Variants in ACVR1 observed in about 807,000 individuals in gnomAD.
ACVR1 encodes the protein activin A receptor type 1.
A neutral mutation model predicts 57.1 loss-of-function variants in ACVR1; 38 were observed. That is an observed-to-expected ratio of 0.67 (90% CI 0.51 to 0.87). The LOEUF (loss-of-function observed/expected upper bound fraction) is 0.87, where lower values mean the gene tolerates loss of function less well. Ranked by LOEUF, ACVR1 falls within the 40% of genes least tolerant of loss-of-function variation. ACVR1 has a pLI of 0.00. For missense variants in ACVR1, 463 were observed against 638.2 expected, an observed-to-expected ratio of 0.73 and a Z score of 2.96; for synonymous variants, 212 against 228.1, an observed-to-expected ratio of 0.93 and a Z score of 0.63.
Position 157,766,190 on chromosome 2 carries a change from A to T in ACVR1, c.797T>A (p.Ile266Asn). ...GTGTCTTGATGTCATGTCTGAAGCA[A>T]TGAAACCTGGAGAGAGCAAGAAAAA... ...MLRHENILGF[I>N]ASDMTSRHSS... The change falls in exon 8 of 11, where the codon ATT (isoleucine) becomes AAT (asparagine). Residue 266 changes from isoleucine (I) to asparagine (N), a missense_variant. Physicochemically the swap from Ile to Asn is moderately radical, Grantham distance 149. Transcript: ENST00000434821. 6.2e-7 allele frequency: 1 copy of T among 1,614,138 alleles called. No homozygotes were observed. Among genetic ancestry groups the T allele is most frequent in the Non-Finnish European group, 8.5e-7 (1 of 1,179,990 alleles).
At chr2:157,741,526 G>C (rs1297700844) in intron 9 of ACVR1, among the ~76,000 whole-genome samples, 1 of 151,852 alleles carries the variant, frequency 6.6e-6, no homozygotes, top group Non-Finnish European at 1.5e-5. Flanking sequence ...TAGGGAGGCT[G>C]AGGCAGGAGA....
At chr2:157,781,760 T>TC (rs1359279390) in intron 3 of ACVR1, among the ~76,000 whole-genome samples, 1 of 152,242 alleles carries the variant, frequency 6.6e-6, no homozygotes, top group African/African-American at 2.4e-5. Flanking sequence ...ATTACTCTTT[T>TC]CTCTTCCCTT....
intron 9 of ACVR1, among the ~76,000 whole-genome samples, chr2:157,759,852 T>C (rs1453634377): frequency 1.3e-5 from 2 of 152,262 alleles, no homozygotes; most frequent in East Asian, 3.9e-4. Flanking sequence ...CTCATGATCA[T>C]CTCAATATAT....
intron 9 of ACVR1, among the ~76,000 whole-genome samples, chr2:157,754,992 G>T (rs1418481156): frequency 6.6e-6 from 1 of 152,024 alleles, no homozygotes; most frequent in Admixed American, 6.6e-5. Flanking sequence ...CACATAAACA[G>T]AAATAAAAAC....
rs779417826 is a variant in ACVR1 at position 157,766,229 on chromosome 2, G to A, written c.791-33C>T. 1.7e-5 allele frequency: 27 copies of A among 1,607,174 alleles called. No individual in the cohort carries two copies. In the South Asian group the frequency reaches 2.9e-4, roughly 17 times the overall value. ...GAGCAAGAAAAAAATTAATATACAT[G>A]AGGATTCCACATTATAACTTAAAGT... On this transcript the variant is annotated intron_variant, in intron 7 of 10. Transcript: ENST00000434821.
At chr2:157,792,307 C>T (rs1187944121) in intron 3 of ACVR1, among the ~76,000 whole-genome samples, 1 of 152,166 alleles carries the variant, frequency 6.6e-6, no homozygotes, top group East Asian at 1.9e-4. Flanking sequence ...GTAGCATTAA[C>T]CATGGCTCTA....
chr2:157,862,053 A>G (rs928268095), intron 1 of ACVR1, among the ~76,000 whole-genome samples: 1 of 152,240 alleles, frequency 6.6e-6, no homozygotes, highest in Non-Finnish European at 1.5e-5. Context: ...TCTAGCTGAC[A>G]TAATTTTGAA....
rs537888980 is a variant in ACVR1, at chr2:157,772,236, C to T, written c.644-1722G>A. Among the ~76,000 whole-genome samples, 6 of 152,230 alleles carry T rather than the reference C, an allele frequency of 3.9e-5. No individual in the cohort carries two copies. In the East Asian group the frequency reaches 5.8e-4, roughly 15 times the overall value. ...CCCCTAAAACAAAAGCAGAGCTGCC[C>T]AAAAGCCCTGGCCATGGAGCCCCAC... On this transcript the variant is annotated intron_variant, in intron 6 of 10. Transcript: ENST00000434821.
At chr2:157,813,104 T>C (rs1687807609) in intron 2 of ACVR1, among the ~76,000 whole-genome samples, 1 of 151,860 alleles carries the variant, frequency 6.6e-6, no homozygotes, top group Admixed American at 6.6e-5. Context: ...CTTTTAAAGT[T>C]CCTATTTTTA....
At chr2:157,843,214 T>C (rs1248233772) in intron 1 of ACVR1, among the ~76,000 whole-genome samples, 1 of 152,206 alleles carries the variant, frequency 6.6e-6, no homozygotes, top group African/African-American at 2.4e-5. Flanking sequence ...ATAAATACCA[T>C]AGAGCCAGAC....
intron 1 of ACVR1, among the ~76,000 whole-genome samples, chr2:157,862,209 T>A (rs1028205861): frequency 6.6e-6 from 1 of 152,146 alleles, no homozygotes; most frequent in African/African-American, 2.4e-5. Flanking sequence ...ACTACAAATA[T>A]GAAAGTGTAC....
intron 1 of ACVR1, among the ~76,000 whole-genome samples, chr2:157,860,950 C>A (rs1689696798): frequency 6.6e-6 from 1 of 152,132 alleles, no homozygotes; most frequent in Non-Finnish European, 1.5e-5. Flanking sequence ...TCTATTGATG[C>A]CATCACTGCT....
chr2:157,862,210 G>A (rs1052329461), intron 1 of ACVR1, among the ~76,000 whole-genome samples: 1 of 151,786 alleles, frequency 6.6e-6, no homozygotes, highest in Admixed American at 6.6e-5. Flanking sequence ...CTACAAATAT[G>A]AAAGTGTACT....
intron 1 of ACVR1, among the ~76,000 whole-genome samples, chr2:157,848,237 A>T (rs1468224338): frequency 6.6e-6 from 1 of 152,190 alleles, no homozygotes; most frequent in Non-Finnish European, 1.5e-5. Flanking sequence ...GACCAACAGA[A>T]TATGGTGGAA....
chr2:157,759,551 C>T (rs371016786), intron 9 of ACVR1, among the ~76,000 whole-genome samples: 10 of 151,894 alleles, frequency 6.6e-5, no homozygotes, highest in African/African-American at 1.9e-4. Flanking sequence ...TGAACTATTC[C>T]AAAAAATTGA....
chr2:157,809,894 G>T (rs1353985019), intron 2 of ACVR1, among the ~76,000 whole-genome samples: 1 of 152,092 alleles, frequency 6.6e-6, no homozygotes, highest in African/African-American at 2.4e-5. Flanking sequence ...GGGCAACACA[G>T]TGAGACCCCA....
chr2:157,779,392 A>C (rs1285552708), intron 4 of ACVR1, among the ~76,000 whole-genome samples: 2 of 152,228 alleles, frequency 1.3e-5, no homozygotes, highest in Non-Finnish European at 2.9e-5. Context: ...CTCTTTGATT[A>C]TTCAATCCTA....
At chr2:157,834,965 C>A (rs529376620) in intron 1 of ACVR1, among the ~76,000 whole-genome samples, 1 of 152,142 alleles carries the variant, frequency 6.6e-6, no homozygotes, top group Non-Finnish European at 1.5e-5. Context: ...ACTGAATCTG[C>A]CAGTGCTTTG....
chr2:157,799,570 C>A (rs1355387122), intron 2 of ACVR1, 70 bp from the exon 3 acceptor site: 6 of 1,233,782 alleles, frequency 4.9e-6, no homozygotes, highest in Non-Finnish European at 7.2e-6. Context: ...ATTAAGCATA[C>A]CACCTTCAAA....
Sources: gnomAD v4.1 joint callset for allele counts (sites outside exome capture counted in the v4.1 genomes callset) on GRCh38, gnomAD v4.1.1 for gene constraint, MANE v1.5 for transcripts, NCBI Gene and HGNC (gene_info 2026-07-23, HGNC 2026-07-21) for gene names.